RNF11: variants seen among roughly 807,000 people sequenced by gnomAD.
The protein encoded by RNF11 is ring finger protein 11.
RNF11 carries 4 observed loss-of-function variants against 15.8 expected under a neutral mutation model. The ratio of observed to expected loss-of-function variants is 0.25; its 90% CI spans 0.12 to 0.58. RNF11 has a LOEUF of 0.58. Ranked by LOEUF, RNF11 falls within the 20% of genes least tolerant of loss-of-function variation. The pLI, the probability that RNF11 is intolerant of heterozygous loss-of-function variation, is 0.91. For synonymous variants in RNF11, 68 were observed against 72.3 expected, an observed-to-expected ratio of 0.94 and a Z score of 0.30; for missense variants, 139 against 194.4, an observed-to-expected ratio of 0.71 and a Z score of 1.70.
intron 1 of RNF11, among the ~76,000 whole-genome samples, chr1:51,249,551 C>A (rs1293670403): frequency 1.3e-5 from 2 of 152,148 alleles, no homozygotes; most frequent in African/African-American, 2.4e-5. Flanking sequence ...CTCCTATCAC[C>A]CATATTTGTT....
At chr1:51,264,287 A>AATATATATAT (rs1162466435) in intron 1 of RNF11, among the ~76,000 whole-genome samples, 108 of 32,498 alleles carry the variant, frequency 3.3e-3, no homozygotes, top group South Asian at 5.5e-3. Context: ...AAAAAAAAAA[A>AATATATATAT]ATATATATAT....
chr1:51,250,771 C>T lies in RNF11; in HGVS notation c.123+13892C>T, dbSNP rs1038777211. The T allele has an allele frequency of 2.3e-5, 33 of 1,417,066 alleles. No homozygotes were observed. In the African/African-American group the frequency reaches 3.0e-4, roughly 13 times the overall value. The allele number at this position is 1,417,066 out of a possible 1,614,324, so 87.8% of individuals were successfully genotyped here. A position where few individuals can be genotyped will look rare whatever the true frequency, so the allele number is the denominator to read the frequency against. ...GAAATGGCATCAAAGGTGGCCTTGG[C>T]GAAGTTGCCCAGGGTGGCAGTGCAG... On this transcript the variant is annotated intron_variant, in intron 1 of 2. Transcript: ENST00000242719.
intron 1 of RNF11, chr1:51,264,809 G>A (rs1646947704): frequency 6.6e-6 from 1 of 152,112 alleles, no homozygotes; most frequent in South Asian, 2.1e-4. Context: ...TCCCTAAATT[G>A]AATCCAACTT....
intron 1 of RNF11, among the ~76,000 whole-genome samples, chr1:51,248,249 C>T (rs1646861701): frequency 6.6e-6 from 1 of 150,586 alleles, no homozygotes; most frequent in African/African-American, 2.4e-5. Context: ...GCTCTGTCAC[C>T]CTGGCTGGAG....
chr1:51,244,979 A>G (rs1440083183), intron 1 of RNF11, among the ~76,000 whole-genome samples: 1 of 151,990 alleles, frequency 6.6e-6, no homozygotes, highest in Non-Finnish European at 1.5e-5. Context: ...TTTTCTTAAA[A>G]TATTTTTTAG....
At chr1:51,253,516 G>C (rs1385570647) in intron 1 of RNF11, among the ~76,000 whole-genome samples, 2 of 142,224 alleles carry the variant, frequency 1.4e-5, no homozygotes. Context: ...TCAAGATCCT[G>C]TCTCTTAAAA....
At chr1:51,260,888 A>G (rs1646927893) in intron 1 of RNF11, among the ~76,000 whole-genome samples, 1 of 152,234 alleles carries the variant, frequency 6.6e-6, no homozygotes, top group African/African-American at 2.4e-5. Context: ...TCTGGGGTTT[A>G]GATACATAGG....
intron 1 of RNF11, among the ~76,000 whole-genome samples, chr1:51,246,970 C>G (rs893198187): frequency 6.9e-6 from 1 of 144,562 alleles, no homozygotes; most frequent in African/African-American, 2.7e-5. Context: ...AGAGTGAGAC[C>G]TTATCTCTTA....
chr1:51,251,239 T>G, intron 1 of RNF11: 2 of 1,330,136 alleles, frequency 1.5e-6, no homozygotes, highest in African/African-American at 2.9e-5. Context: ...AAGAGATAGA[T>G]CTCCTCCAGG....
In RNF11 at chr1:51,264,287, AATATATATATATATATAT is replaced by A. The variant is rs1162466435; in HGVS notation, c.124-5655_124-5638del. On this transcript the variant is annotated intron_variant, in intron 1 of 2. Transcript: ENST00000242719. ...AAAAAAAAAAAAAAAAAAAAAAAAAAATATATATATATATATATATATATATATATACACACACACACA... is the reference window on the plus strand; with the variant it reads ...AAAAAAAAAAAAAAAAAAAAAAAAAAATATATATATATACACACACACACA... Among the ~76,000 whole-genome samples, 76 of 32,522 alleles carry A rather than the reference AATATATATATATATATAT, an allele frequency of 2.3e-3. 1 individual carries two copies. The highest frequency in any genetic ancestry group is 5.8e-3 in the African/African-American group (56 of 9,576). The allele number at this position is 32,522 out of a possible 152,430, so 21.3% of individuals were successfully genotyped here. A position where few individuals can be genotyped will look rare whatever the true frequency, so the allele number is the denominator to read the frequency against.
intron 1 of RNF11, among the ~76,000 whole-genome samples, chr1:51,238,987 C>T (rs1646817325): frequency 6.6e-6 from 1 of 152,142 alleles, no homozygotes; most frequent in South Asian, 2.1e-4. Context: ...ACCTCAGTCT[C>T]CCAAAGTGCT....
chr1:51,249,532 C>G (rs796067220), intron 1 of RNF11, among the ~76,000 whole-genome samples: 11 of 152,324 alleles, frequency 7.2e-5, no homozygotes, highest in East Asian at 5.8e-4. Context: ...AACTGTTGGT[C>G]CTTATGACCT....
rs558702495 is a variant in RNF11, at chr1:51,270,921, C to T, written c.294-230C>T. ...TGCATATGTAATCCATTTCTCTTTG[C>T]TCTGTTGATTGCTCCTAAGTCCTGC... On this transcript the variant is annotated intron_variant, in intron 2 of 2. Coordinates refer to ENST00000242719, the MANE Select transcript of RNF11 (RefSeq NM_014372.5). Among the ~76,000 whole-genome samples, 19 of 152,304 alleles carry T rather than the reference C, an allele frequency of 1.2e-4. No individual in the cohort carries two copies. The South Asian group carries it at 2.9e-3, about 23-fold the overall frequency.
chr1:51,258,073 C>T (rs984420252), intron 1 of RNF11, among the ~76,000 whole-genome samples: 7 of 151,822 alleles, frequency 4.6e-5, no homozygotes, highest in Admixed American at 1.3e-4. Context: ...AGGCTGGCCT[C>T]GAACTCCTGA....
intron 2 of RNF11, among the ~76,000 whole-genome samples, chr1:51,270,429 A>G (rs1322653232): frequency 1.3e-5 from 2 of 152,186 alleles, no homozygotes; most frequent in African/African-American, 4.8e-5. Flanking sequence ...CCTGGCCAAC[A>G]TGGTGAAACC....
intron 1 of RNF11, among the ~76,000 whole-genome samples, chr1:51,261,730 C>G (rs571845849): frequency 6.6e-6 from 1 of 151,722 alleles, no homozygotes; most frequent in South Asian, 2.1e-4. Flanking sequence ...CTCTGTTGCC[C>G]AGGCTGGAGT....
At chr1:51,251,409 C>G in intron 1 of RNF11, 1 of 1,311,952 alleles carries the variant, frequency 7.6e-7, no homozygotes, top group Non-Finnish European at 1.1e-6. Context: ...TCCGCGGAAG[C>G]CACCGCAGTT....
intron 1 of RNF11, 61 bp downstream of exon 1, chr1:51,236,940 G>T: frequency 1.9e-6 from 3 of 1,544,744 alleles, no homozygotes; most frequent in Non-Finnish European, 2.6e-6. Context: ...GATTGAGGGG[G>T]CTTCGGGGCC....
intron 1 of RNF11, among the ~76,000 whole-genome samples, chr1:51,264,305 T>TAC (rs2148073641): frequency 1.0e-5 from 1 of 100,144 alleles, no homozygotes; most frequent in African/African-American, 4.9e-5. Context: ...TATATATATA[T>TAC]ATATATATAT....
Sources: allele counts gnomAD v4.1 joint callset (sites outside exome capture counted in the v4.1 genomes callset), GRCh38; gene constraint gnomAD v4.1.1; transcripts MANE v1.5; gene names NCBI Gene and HGNC (gene_info 2026-07-23, HGNC 2026-07-21).